The following GALNTL6 variants were observed in gnomAD, a reference collection of about 807,000 sequenced individuals.
GALNTL6 encodes polypeptide N-acetylgalactosaminyltransferase like 6.
In GALNTL6, 46 loss-of-function variants were observed where a neutral mutation model predicts 73.7. The ratio of observed to expected loss-of-function variants is 0.62; its 90% CI spans 0.49 to 0.80. The LOEUF (loss-of-function observed/expected upper bound fraction) is 0.80, where lower values mean the gene tolerates loss of function less well. Ranked by LOEUF, GALNTL6 falls within the 30% of genes least tolerant of loss-of-function variation. GALNTL6 has a pLI of 0.00. For synonymous variants in GALNTL6, 259 were observed against 263.7 expected (o/e 0.98, Z 0.17); for missense variants, 604 against 755.0 (o/e 0.80, Z 2.34).
intron 2 of GALNTL6, among the ~76,000 whole-genome samples, chr4:172,219,431 A>G (rs1008999917): frequency 6.6e-6 from 1 of 151,592 alleles, no homozygotes; most frequent in African/African-American, 2.4e-5. Flanking sequence ...TTAATATGCC[A>G]TTCAATTCCT....
intron 10 of GALNTL6, among the ~76,000 whole-genome samples, chr4:172,963,765 G>A (rs1750195246): frequency 6.6e-6 from 1 of 152,166 alleles, no homozygotes; most frequent in African/African-American, 2.4e-5. Flanking sequence ...TCAGGTAACT[G>A]ATTCTCATGA....
At chr4:172,717,944 T>C (rs1735210906) in intron 5 of GALNTL6, among the ~76,000 whole-genome samples, 1 of 152,232 alleles carries the variant, frequency 6.6e-6, no homozygotes, top group South Asian at 2.1e-4. Context: ...TTCGTTCTAA[T>C]GATTGATTTA....
intron 4 of GALNTL6, among the ~76,000 whole-genome samples, chr4:172,336,905 T>C (rs1286049340): frequency 6.6e-6 from 1 of 152,174 alleles, no homozygotes; most frequent in African/African-American, 2.4e-5. Context: ...GGAGTAGATA[T>C]GTGTTTTATA....
chr4:172,544,331 G>A (rs1337920067), intron 5 of GALNTL6, among the ~76,000 whole-genome samples: 5 of 152,058 alleles, frequency 3.3e-5, no homozygotes, highest in Non-Finnish European at 7.4e-5. Flanking sequence ...GATTGGCTTC[G>A]TGGTTCCACA....
chr4:172,113,033 A>G (rs1331680052), intron 2 of GALNTL6, among the ~76,000 whole-genome samples: 1 of 151,720 alleles, frequency 6.6e-6, no homozygotes, highest in East Asian at 1.9e-4. Context: ...TGCATTTTTG[A>G]GTTCTTTATT....
chr4:172,355,341 T>C (rs1044747416), intron 5 of GALNTL6, among the ~76,000 whole-genome samples: 1 of 152,130 alleles, frequency 6.6e-6, no homozygotes, highest in Non-Finnish European at 1.5e-5. Context: ...GTTAGAAGTG[T>C]TCTAATGTAC....
intron 5 of GALNTL6, among the ~76,000 whole-genome samples, chr4:172,408,603 A>AT (rs34541128): frequency 0.042 from 6,253 of 149,382 alleles, 407 homozygotes; most frequent in African/African-American, 0.14. Flanking sequence ...TGTTCTTCTC[A>AT]TTTTTTTTTT....
At chr4:171,847,961 T>G (rs1314736813) in intron 2 of GALNTL6, among the ~76,000 whole-genome samples, 1 of 152,234 alleles carries the variant, frequency 6.6e-6, no homozygotes, top group East Asian at 1.9e-4. Flanking sequence ...ACATCTAGAA[T>G]GGTGAATCCT....
chr4:172,925,934 A>G (rs1303972305), intron 8 of GALNTL6, among the ~76,000 whole-genome samples: 1 of 152,250 alleles, frequency 6.6e-6, no homozygotes, highest in Non-Finnish European at 1.5e-5. Flanking sequence ...GAGAATAATT[A>G]GTTGAAATTT....
chr4:172,404,819 C>T (rs764930916), intron 5 of GALNTL6, among the ~76,000 whole-genome samples: 22 of 152,096 alleles, frequency 1.4e-4, no homozygotes, highest in African/African-American at 2.6e-4. Context: ...GCAAATCATA[C>T]GAGAGTTTCT....
intron 2 of GALNTL6, among the ~76,000 whole-genome samples, chr4:171,943,505 A>G (rs949858144): frequency 6.6e-6 from 1 of 152,206 alleles, no homozygotes; most frequent in Admixed American, 6.5e-5. Context: ...ACACTCTCTG[A>G]TAAGTAGCCA....
rs185743209 is a variant in GALNTL6, at chr4:172,804,597, A to G, written c.554-4764A>G. Among the ~76,000 whole-genome samples the G allele has an allele frequency of 3.1e-4, 47 of 152,322 alleles. No individual in the cohort carries two copies. In the East Asian group the frequency reaches 8.1e-3, roughly 26 times the overall value. On this transcript the variant is annotated intron_variant, in intron 5 of 12. Transcript: ENST00000506823. ...TGCTGAGCCTGGGGCAGCGGTTGGC[A>G]TGACCTTTAGTGAGTCTTCCACTTA...
intron 5 of GALNTL6, among the ~76,000 whole-genome samples, chr4:172,586,019 G>T (rs1737397255): frequency 6.6e-6 from 1 of 152,198 alleles, no homozygotes; most frequent in South Asian, 2.1e-4. Context: ...ATAGATGCTG[G>T]TGAGGCTATG....
At chr4:172,637,634 C>A (rs1425630720) in intron 5 of GALNTL6, among the ~76,000 whole-genome samples, 1 of 152,112 alleles carries the variant, frequency 6.6e-6, no homozygotes, top group South Asian at 2.1e-4. Context: ...ATAAATTCTA[C>A]AAAGTGTGGT....
At position 171,888,918 on chromosome 4, in the gene GALNTL6, T is replaced by G. The variant is rs56089625; in HGVS notation, c.138+74200T>G. 1.0e-2 allele frequency among the ~76,000 whole-genome samples: 1,518 copies of G among 152,248 alleles called. 30 individuals carry two copies. The highest frequency in any genetic ancestry group is 0.034 in the African/African-American group (1,431 of 41,568). On this transcript the variant is annotated intron_variant, in intron 2 of 12. Transcript: ENST00000506823. ...TACTCTGTAGACCAAACACGTTCTA[T>G]GATTTGTTGTATAGTTCTTTGCCAA...
intron 4 of GALNTL6, among the ~76,000 whole-genome samples, chr4:172,325,649 A>C (rs1046267734): frequency 6.6e-6 from 1 of 152,070 alleles, no homozygotes; most frequent in East Asian, 1.9e-4. Flanking sequence ...AAAATAATCT[A>C]TATGGTAATA....
At chr4:172,385,528 A>G (rs968257689) in intron 5 of GALNTL6, among the ~76,000 whole-genome samples, 5 of 151,978 alleles carry the variant, frequency 3.3e-5, no homozygotes, top group Non-Finnish European at 5.9e-5. Flanking sequence ...TATAAAATAT[A>G]TATATGTTTT....
chr4:171,987,866 A>G (rs945605158), intron 2 of GALNTL6, among the ~76,000 whole-genome samples: 27 of 152,168 alleles, frequency 1.8e-4, no homozygotes, highest in African/African-American at 6.3e-4. Context: ...TCAGAGAGAT[A>G]CAGTCATGGG....
At chr4:172,779,199 T>C (rs981837614) in intron 5 of GALNTL6, among the ~76,000 whole-genome samples, 1 of 152,194 alleles carries the variant, frequency 6.6e-6, no homozygotes, top group African/African-American at 2.4e-5. Flanking sequence ...TAGAAATCAC[T>C]GCATCAAATT....
Sources: gnomAD v4.1 joint callset for allele counts (sites outside exome capture counted in the v4.1 genomes callset) on GRCh38, gnomAD v4.1.1 for gene constraint, MANE v1.5 for transcripts, NCBI Gene and HGNC (gene_info 2026-07-23, HGNC 2026-07-21) for gene names.